DGKG: variants seen among roughly 807,000 people sequenced by gnomAD.
DGKG encodes diacylglycerol kinase gamma.
Under a neutral mutation model 105.3 loss-of-function variants are expected in DGKG, and 78 were observed. That is an observed-to-expected ratio of 0.74 (90% CI 0.62 to 0.89). DGKG has a LOEUF of 0.89. DGKG is among the 40% of genes least tolerant of loss of function. The probability of loss-of-function intolerance (pLI) is 0.00; values close to 1 mark genes in which losing one functional copy is unlikely to be tolerated. For missense variants in DGKG, 958 were observed against 1,020.1 expected, an observed-to-expected ratio of 0.94 and a Z score of 0.83; for synonymous variants, 346 against 367.1, an observed-to-expected ratio of 0.94 and a Z score of 0.66.
At chr3:186,221,048 A>G (rs756310883) in intron 20 of DGKG, among the ~76,000 whole-genome samples, 2 of 152,216 alleles carry the variant, frequency 1.3e-5, no homozygotes, top group Non-Finnish European at 2.9e-5. Context: ...CACAGGCCGC[A>G]ACAAGAAGGC....
intron 19 of DGKG, among the ~76,000 whole-genome samples, chr3:186,249,678 C>T (rs925755351): frequency 6.6e-6 from 1 of 152,102 alleles, no homozygotes; most frequent in Non-Finnish European, 1.5e-5. Flanking sequence ...TCCATCTCTA[C>T]TAAAAATACA....
intron 2 of DGKG, among the ~76,000 whole-genome samples, chr3:186,312,107 A>G (rs1724578964): frequency 8.3e-6 from 1 of 121,060 alleles, no homozygotes; most frequent in Admixed American, 9.5e-5. Context: ...TGGGCGACAG[A>G]GCGAGACTCC....
intron 6 of DGKG, among the ~76,000 whole-genome samples, chr3:186,286,321 C>T (rs1723068281): frequency 6.6e-6 from 1 of 152,204 alleles, no homozygotes; most frequent in Non-Finnish European, 1.5e-5. Context: ...ACCTTTTCTG[C>T]TAGCATTATT....
At chr3:186,223,240 C>G (rs1171384632) in intron 20 of DGKG, among the ~76,000 whole-genome samples, 1 of 151,374 alleles carries the variant, frequency 6.6e-6, no homozygotes, top group African/African-American at 2.4e-5. Context: ...CCGGCGGTGA[C>G]CCTGAAGTCT....
chr3:186,168,584 C>T (rs1009329882), intron 22 of DGKG, among the ~76,000 whole-genome samples: 30 of 152,092 alleles, frequency 2.0e-4, no homozygotes, highest in African/African-American at 6.8e-4. Context: ...TGGTGGCTCA[C>T]GCCTGTAATC....
chr3:186,197,498 C>G (rs2268850), intron 21 of DGKG, among the ~76,000 whole-genome samples: 2 of 151,892 alleles, frequency 1.3e-5, no homozygotes, highest in Non-Finnish European at 2.9e-5. Flanking sequence ...AATAAGCCAC[C>G]CTGTGCAGCC....
At position 186,147,383 on chromosome 3, in the gene DGKG, G is replaced by A. The variant is rs543723547; in HGVS notation, c.*2707C>T. ...AAGCCTTGTTCTCCTCATTGAGATC[G>A]AGATAATAATACCTTCTCTGCTAAC... On this transcript the variant is annotated 3_prime_UTR_variant, in exon 25 of 25. Coordinates refer to ENST00000265022, the MANE Select transcript of DGKG (RefSeq NM_001346.3). 5,017 of 977,782 alleles carry A rather than the reference G, an allele frequency of 5.1e-3. 33 individuals carry two copies. Among genetic ancestry groups the A allele is most frequent in the Non-Finnish European group, 5.7e-3 (4,699 of 822,678 alleles). 60.6% of individuals were successfully genotyped at this position (977,782 alleles called of 1,614,324 possible).
chr3:186,326,938 G>T (rs1370627951), intron 1 of DGKG, among the ~76,000 whole-genome samples: 2 of 152,058 alleles, frequency 1.3e-5, no homozygotes, highest in African/African-American at 4.8e-5. Context: ...CCAGGCAGAT[G>T]CTTGAGCCCA....
chr3:186,187,137 A>G (rs1441437534), intron 22 of DGKG, among the ~76,000 whole-genome samples: 2 of 152,208 alleles, frequency 1.3e-5, no homozygotes, highest in Non-Finnish European at 2.9e-5. Context: ...AAGCCACTGC[A>G]GGATTTTGAG....
chr3:186,175,526 G>A (rs772614597), intron 22 of DGKG, among the ~76,000 whole-genome samples: 3 of 152,172 alleles, frequency 2.0e-5, no homozygotes, highest in Admixed American at 1.3e-4. Context: ...GCAGTGCCCC[G>A]GCAGAGCTGT....
At position 186,210,054 on chromosome 3, in the gene DGKG, C is replaced by T. The variant is rs1362864412; in HGVS notation, c.1917+1741G>A. ...CACCAGTGTCTTTAGCAACGAGGCC[C>T]CCTCTGCGGTTGAGGAAGAGCCTCT... On this transcript the variant is annotated intron_variant, in intron 21 of 24. Coordinates refer to ENST00000265022, the MANE Select transcript of DGKG (RefSeq NM_001346.3). The surrounding 1 kb of genome is among the most constrained non-coding windows in gnomAD (Gnocchi z 5.2). Among the ~76,000 whole-genome samples, 1 of 152,196 alleles carries T rather than the reference C, an allele frequency of 6.6e-6. No individual in the cohort carries two copies. Among genetic ancestry groups the T allele is most frequent in the African/African-American group, 2.4e-5 (1 of 41,448 alleles).
intron 20 of DGKG, among the ~76,000 whole-genome samples, chr3:186,222,558 CAT>C (rs1439566241): frequency 6.6e-6 from 1 of 152,190 alleles, no homozygotes; most frequent in African/African-American, 2.4e-5. Context: ...AATACACACA[CAT>C]GGTCGGGTGC....
intron 16 of DGKG, among the ~76,000 whole-genome samples, chr3:186,258,332 A>G (rs905320247): frequency 2.0e-5 from 3 of 152,082 alleles, no homozygotes; most frequent in Non-Finnish European, 4.4e-5. Context: ...GATGCACCGA[A>G]TTTGCTGGAT....
chr3:186,319,215 C>T (rs918643753), intron 2 of DGKG, among the ~76,000 whole-genome samples: 2 of 152,140 alleles, frequency 1.3e-5, no homozygotes, highest in Non-Finnish European at 2.9e-5. Context: ...AACCATTAGC[C>T]CTATGGTCCC....
At chr3:186,320,926 T>A (rs1330373641) in intron 1 of DGKG, among the ~76,000 whole-genome samples, 1 of 152,200 alleles carries the variant, frequency 6.6e-6, no homozygotes, top group Non-Finnish European at 1.5e-5. Flanking sequence ...GCCATACTAC[T>A]CAGCTCTGGG....
chr3:186,178,536 A>G (rs1717202646), intron 22 of DGKG, among the ~76,000 whole-genome samples: 1 of 152,218 alleles, frequency 6.6e-6, no homozygotes, highest in Non-Finnish European at 1.5e-5. Flanking sequence ...CTCCTGAGGC[A>G]GGAATTAAGT....
At chr3:186,287,173 C>G (rs1222493374) in intron 6 of DGKG, among the ~76,000 whole-genome samples, 1 of 151,932 alleles carries the variant, frequency 6.6e-6, no homozygotes, top group African/African-American at 2.4e-5. Flanking sequence ...TTCAAACAAA[C>G]AATTAAAAAT....
intron 11 of DGKG, 38 bp downstream of exon 11, chr3:186,272,217 G>A: frequency 6.8e-7 from 1 of 1,479,730 alleles, no homozygotes; most frequent in Middle Eastern, 1.7e-4. Context: ...TTTCCTGGAT[G>A]AGGCATGCAG....
rs1221496242 is a variant in DGKG at position 186,310,124 on chromosome 3, G to A, written c.68-3147C>T. ...TCTACTAAAAATACAAAAATTAGCCGGGCGTGGTGGCACGTGCCTGTAATC... is the reference window on the plus strand; with the variant it reads ...TCTACTAAAAATACAAAAATTAGCCAGGCGTGGTGGCACGTGCCTGTAATC... On this transcript the variant is annotated intron_variant, in intron 2 of 24. Coordinates refer to ENST00000265022, the MANE Select transcript of DGKG (RefSeq NM_001346.3). Among the ~76,000 whole-genome samples the A allele has an allele frequency of 1.5e-4, 23 of 150,910 alleles. No individual in the cohort carries two copies. In the East Asian group the frequency reaches 2.7e-3, roughly 18 times the overall value.
Sources: allele counts gnomAD v4.1 joint callset (sites outside exome capture counted in the v4.1 genomes callset), GRCh38; gene constraint gnomAD v4.1.1; non-coding constraint Gnocchi (gnomAD v3.1); transcripts MANE v1.5; gene names NCBI Gene and HGNC (gene_info 2026-07-23, HGNC 2026-07-21).